DHX30: variants seen among roughly 807,000 people sequenced by gnomAD.
DHX30 encodes DExH-box helicase 30, also known as ATP-dependent RNA helicase DHX30.
A neutral mutation model predicts 116.9 loss-of-function variants in DHX30; 4 were observed. The observed-to-expected ratio is 0.03, with a 90% CI of 0.02 to 0.08. The LOEUF is 0.08. Among genes scored for constraint, DHX30 ranks in the 10% least tolerant of loss-of-function variants. The pLI is 1.00. For synonymous variants in DHX30, 697 were observed against 651.7 expected, an observed-to-expected ratio of 1.07 and a Z score of -1.06; for missense variants, 871 against 1,595.1, an observed-to-expected ratio of 0.55 and a Z score of 7.73.
rs550287406 is a variant in DHX30, at chr3:47,840,994, C to G, written c.484C>G (p.Pro162Ala). 1 of 1,614,204 alleles carries G rather than the reference C, an allele frequency of 6.2e-7. No individual in the cohort carries two copies. Among genetic ancestry groups the G allele is most frequent in the East Asian group, 2.2e-5 (1 of 44,876 alleles). The stretch of plus-strand genomic sequence containing the variant: ...GTGGCGTCCGGAACCCACCATGCCC[C>G]CTACTTCCTGGCGGCAGCTGAATCC... The part of the protein sequence containing the change: ...SWWRPEPTMP[P>A]TSWRQLNPES... Residue 162 changes from proline to alanine, a missense_variant, in exon 7 of 22, where the codon CCT (proline) becomes GCT (alanine). By Grantham distance (27) the Pro-to-Ala change is conservative. Coordinates refer to ENST00000445061, the MANE Select transcript of DHX30 (RefSeq NM_138615.3).
chr3:47,825,168 C>T, intron 4 of DHX30: 1 of 668,334 alleles, frequency 1.5e-6, no homozygotes, highest in Non-Finnish European at 2.7e-6. Context: ...CCCACCCCGA[C>T]CACACCAAGG....
At chr3:47,813,992 G>A (rs1430935591) in intron 3 of DHX30, among the ~76,000 whole-genome samples, 1 of 134,870 alleles carries the variant, frequency 7.4e-6, no homozygotes, top group African/African-American at 2.8e-5. Flanking sequence ...GCTAAAATTA[G>A]CACTTTGTGT....
rs746654052 is a variant in DHX30, at chr3:47,850,099, G to A, written c.3564G>A (p.Val1188=). 3.5e-5 allele frequency: 55 copies of A among 1,593,128 alleles called. No homozygotes were observed. The highest frequency in any genetic ancestry group is 4.4e-5 in the Non-Finnish European group (52 of 1,172,608). Residue 1188 remains valine (V), a synonymous_variant, in exon 22 of 22, where the codon GTG becomes GTA. Coordinates refer to ENST00000445061, the MANE Select transcript of DHX30 (RefSeq NM_138615.3). The part of the protein sequence containing the change: ...LLRGPCGSFD[V]RKTADD ...GAGGACCCTGTGGCAGCTTTGATGT[G>A]CGCAAGACAGCTGACGACTGAGCCC...
intron 19 of DHX30, 28 bp downstream of exon 19, chr3:47,849,377 C>T: frequency 1.3e-6 from 2 of 1,596,388 alleles, no homozygotes; most frequent in Non-Finnish European, 1.7e-6. Flanking sequence ...GAATGGAGTT[C>T]ACCAGGTCCC....
intron 6 of DHX30, among the ~76,000 whole-genome samples, chr3:47,835,203 C>G (rs1268345612): frequency 7.5e-6 from 1 of 132,520 alleles, no homozygotes; most frequent in South Asian, 2.4e-4. Context: ...CATGGAGGTT[C>G]GCTCTTATTG....
At chr3:47,815,286 A>G (rs1223707624) in intron 3 of DHX30, among the ~76,000 whole-genome samples, 1 of 152,228 alleles carries the variant, frequency 6.6e-6, no homozygotes, top group South Asian at 2.1e-4. Context: ...TCGGTGCTCA[A>G]CCCTTACTCT....
intron 6 of DHX30, 147 bp from the exon 7 acceptor site, chr3:47,840,730 C>T: frequency 4.5e-6 from 4 of 891,786 alleles, no homozygotes; most frequent in Non-Finnish European, 5.1e-6. Context: ...GAGTTCCATG[C>T]CCAGTTCTGG....
At chr3:47,811,950 G>C (rs1319620550) in intron 3 of DHX30, among the ~76,000 whole-genome samples, 4 of 151,632 alleles carry the variant, frequency 2.6e-5, no homozygotes, top group Non-Finnish European at 4.4e-5. Context: ...TATAGTCCCA[G>C]CTACTTGGGA....
intron 4 of DHX30, chr3:47,825,008 C>A (rs1559698453): frequency 9.9e-6 from 6 of 607,452 alleles, no homozygotes; most frequent in Non-Finnish European, 1.7e-5. Flanking sequence ...CGGTCCCTGC[C>A]GCGCACAGGC....
rs2037602030 is a variant in DHX30 at position 47,846,247 on chromosome 3, C to T, written c.1175C>T (p.Pro392Leu). The change falls in exon 11 of 22, where the codon CCT becomes CTT. Residue 392 changes from proline (P) to leucine (L), a missense_variant. Physicochemically the swap from Pro to Leu is moderately conservative, Grantham distance 98. Around this residue, in one of 13 missense-constraint regions of DHX30, gnomAD observed 175 missense variants for 292.9 expected, o/e 0.60. Transcript: ENST00000445061. ...TTGCCCTTGGGCAAGGACTCAGGGC[C>T]TCTGAGTGACCCTATCACAGGCAAG... ...DILPLGKDSG[P>L]LSDPITGKPY... 1.9e-6 allele frequency: 3 copies of T among 1,614,210 alleles called. No homozygotes were observed. The highest frequency in any genetic ancestry group is 3.3e-5 in the Admixed American group (2 of 60,034).
At chr3:47,834,656 TC>T (rs2037023779) in intron 6 of DHX30, among the ~76,000 whole-genome samples, 1 of 151,682 alleles carries the variant, frequency 6.6e-6, no homozygotes, top group Non-Finnish European at 1.5e-5. Flanking sequence ...GATGGGGTCT[TC>T]CAGTGTTGCC....
At chr3:47,824,589 G>A (rs2036456159) in intron 4 of DHX30, among the ~76,000 whole-genome samples, 1 of 152,212 alleles carries the variant, frequency 6.6e-6, no homozygotes, top group African/African-American at 2.4e-5. Context: ...ACGGCGCCTG[G>A]CCCTGGCTCC....
chr3:47,820,465 C>T lies in DHX30; in HGVS notation c.124+2348C>T, dbSNP rs548365479. 3.3e-4 allele frequency among the ~76,000 whole-genome samples: 50 copies of T among 152,260 alleles called. No individual in the cohort carries two copies. The South Asian group carries it at 7.1e-3, about 21-fold the overall frequency. On this transcript the variant is annotated intron_variant, in intron 4 of 21. Coordinates refer to ENST00000445061, the MANE Select transcript of DHX30 (RefSeq NM_138615.3). ...GGATCCTTTCTTGCCATTTTGACCA[C>T]GTGTAATATATGTATATATGGTTGG...
At chr3:47,804,576 C>G (rs1258858851) in intron 1 of DHX30, among the ~76,000 whole-genome samples, 1 of 152,040 alleles carries the variant, frequency 6.6e-6, no homozygotes, top group Non-Finnish European at 1.5e-5. Flanking sequence ...AAAACAAAAA[C>G]CACACACAAG....
Position 47,846,467 on chromosome 3 carries a change from G to A in DHX30, c.1395G>A (p.Thr465=), listed in dbSNP as rs529583557. ...GGGACACGGGCTGTGGGAAGACCAC[G>A]CGCATCCCCCAGCTGTTGCTGGAGC... ...ISGDTGCGKT[T]RIPQLLLERY... is the part of the protein sequence containing the mutation. Residue 465 remains threonine (T), a synonymous_variant, in exon 11 of 22, where the codon ACG becomes ACA. Coordinates refer to ENST00000445061, the MANE Select transcript of DHX30 (RefSeq NM_138615.3). 10 of 1,614,070 alleles carry A rather than the reference G, an allele frequency of 6.2e-6. No individual in the cohort carries two copies. The highest frequency in any genetic ancestry group is 5.3e-5 in the African/African-American group (4 of 75,080).
rs1013522529 is a variant in DHX30, at chr3:47,847,098, C to A, written c.1929+97C>A. The stretch of plus-strand genomic sequence containing the variant: ...GGGCTTGGTGCCTGGGGCAAGTTAC[C>A]CTCCCCAGTCCTCGGTTTCCTTGAT... On this transcript the variant is annotated intron_variant, in intron 11 of 21. Transcript: ENST00000445061. This position sits in a 1 kb window ranked among gnomAD's most constrained non-coding sequence, Gnocchi z 5.5. The A allele has an allele frequency of 1.3e-6, 2 of 1,498,546 alleles. No homozygotes were observed. The highest frequency in any genetic ancestry group is 2.8e-5 in the African/African-American group (2 of 72,554). 92.8% of individuals were successfully genotyped at this position (1,498,546 alleles called of 1,614,324 possible). A position where few individuals can be genotyped will look rare whatever the true frequency, so the allele number is the denominator to read the frequency against.
At chr3:47,820,935 C>A (rs1473186470) in intron 4 of DHX30, among the ~76,000 whole-genome samples, 1 of 139,274 alleles carries the variant, frequency 7.2e-6, no homozygotes, top group Non-Finnish European at 1.6e-5. Context: ...TGTTTTATTT[C>A]TTCTTTCTAT....
intron 3 of DHX30, among the ~76,000 whole-genome samples, chr3:47,812,254 TAAAC>T (rs1485765642): frequency 1.3e-5 from 2 of 149,852 alleles, no homozygotes; most frequent in East Asian, 4.0e-4. Flanking sequence ...ATAAATAAAA[TAAAC>T]AACAGGATCT....
Position 47,848,342 on chromosome 3 carries a change from G to C in DHX30, c.2449G>C (p.Glu817Gln), listed in dbSNP as rs2037709428. The C allele has an allele frequency of 6.2e-7, 1 of 1,613,990 alleles. No homozygotes were observed. The highest frequency in any genetic ancestry group is 1.7e-5 in the Admixed American group (1 of 59,996). Residue 817 changes from glutamate to glutamine, a missense_variant, in exon 15 of 22, where the codon GAG (glutamate) becomes CAG (glutamine). Physicochemically the swap from Glu to Gln is conservative, Grantham distance 29. This residue lies in a region of DHX30 where 238 missense variants were observed against 481.0 expected (regional missense o/e 0.49). Transcript: ENST00000445061. The surrounding 1 kb of genome is among the most constrained non-coding windows in gnomAD (Gnocchi z 9.4). ...GCCAGAGATCCTGCGCACACCTCTTGAGAACCTGGTGCTGCAAGCGAAAAT... is the reference window on the plus strand; with the variant it reads ...GCCAGAGATCCTGCGCACACCTCTTCAGAACCTGGTGCTGCAAGCGAAAAT... ...QVPEILRTPL[E>Q]NLVLQAKIHM...
Sources: allele counts gnomAD v4.1 joint callset (sites outside exome capture counted in the v4.1 genomes callset), GRCh38; gene constraint gnomAD v4.1.1; regional missense constraint gnomAD v4.1.1; non-coding constraint Gnocchi (gnomAD v3.1); transcripts MANE v1.5; gene names NCBI Gene and HGNC (gene_info 2026-07-23, HGNC 2026-07-21).